Variants in MALRD1 observed in about 807,000 individuals in gnomAD.
MALRD1 encodes the protein MAM and LDL receptor class A domain containing 1.
MALRD1 carries 247 observed loss-of-function variants against 242.1 expected under a neutral mutation model. That is an observed-to-expected ratio of 1.02 (90% confidence interval 0.92 to 1.13). The LOEUF (loss-of-function observed/expected upper bound fraction) is 1.13. Among genes scored for constraint, MALRD1 ranks in the 50% most tolerant of loss-of-function variants. MALRD1 has a pLI of 0.00. For synonymous variants in MALRD1, 995 were observed against 866.6 expected, an observed-to-expected ratio of 1.15 and a Z score of -2.60; for missense variants, 2,989 against 2,533.1, an observed-to-expected ratio of 1.18 and a Z score of -3.86.
At chr10:19,519,323 A>G (rs1833778138) in intron 31 of MALRD1, among the ~76,000 whole-genome samples, 1 of 152,176 alleles carries the variant, frequency 6.6e-6, no homozygotes. Flanking sequence ...TTATGCCACC[A>G]AAACATATAA....
intron 39 of MALRD1, among the ~76,000 whole-genome samples, chr10:19,732,435 G>A (rs1427718128): frequency 6.6e-6 from 1 of 152,018 alleles, no homozygotes; most frequent in Non-Finnish European, 1.5e-5. Flanking sequence ...GCTAATTTTT[G>A]TATTTTTAGT....
rs1044560172 is a variant in MALRD1, at chr10:19,491,601, A to G, written c.5114A>G (p.Asp1705Gly). Residue 1705 changes from aspartate to glycine, a missense_variant, in exon 30 of 40, where the codon GAC (aspartate) becomes GGC (glycine). Asp to Gly is a moderately conservative substitution (Grantham distance 94). Transcript: ENST00000454679. ...KKCIASHLLC[D>G]YKPDCSDRSD... ...TGCATTGCATCCCACCTTCTTTGTG[A>G]CTATAAGCCAGACTGCTCTGATAGG... 1 of 1,550,194 alleles carries G rather than the reference A, an allele frequency of 6.5e-7. No homozygotes were observed. The highest frequency in any genetic ancestry group is 8.7e-7 in the Non-Finnish European group (1 of 1,146,856).
intron 18 of MALRD1, among the ~76,000 whole-genome samples, chr10:19,213,221 C>A (rs767420194): frequency 1.3e-5 from 2 of 152,158 alleles, no homozygotes; most frequent in Non-Finnish European, 2.9e-5. Flanking sequence ...ACTGAGATTA[C>A]ACATAAATTC....
At chr10:19,136,256 T>A (rs1020933652) in intron 9 of MALRD1, among the ~76,000 whole-genome samples, 2 of 152,102 alleles carry the variant, frequency 1.3e-5, no homozygotes, top group African/African-American at 2.4e-5. Context: ...CAGGGACATT[T>A]TTTATAGTTA....
At chr10:19,547,810 A>AT (rs1835291852) in intron 32 of MALRD1, among the ~76,000 whole-genome samples, 1 of 14,372 alleles carries the variant, frequency 7.0e-5, no homozygotes. Context: ...ATATATATAT[A>AT]TATATATATT....
At chr10:19,280,674 C>A (rs1428276372) in intron 20 of MALRD1, among the ~76,000 whole-genome samples, 3 of 152,196 alleles carry the variant, frequency 2.0e-5, no homozygotes, top group African/African-American at 7.2e-5. Flanking sequence ...GAAAACCTAT[C>A]TTAATGCAAA....
rs982717781 is a variant in MALRD1, at chr10:19,530,113, G to A, written c.5321-1081G>A. ...AACAATATTTAATTAATAAGAGTGT[G>A]TCAATATTGGCTCATTAATTGTAAC... On this transcript the variant is annotated intron_variant, in intron 31 of 39. Coordinates refer to ENST00000454679, the MANE Select transcript of MALRD1 (RefSeq NM_001142308.3). Among the ~76,000 whole-genome samples, 5 of 151,064 alleles carry A rather than the reference G, an allele frequency of 3.3e-5. No individual in the cohort carries two copies. In the Admixed American group the frequency reaches 3.3e-4, roughly 10 times the overall value.
chr10:19,226,247 A>G (rs78707163), intron 18 of MALRD1, among the ~76,000 whole-genome samples: 2,206 of 152,294 alleles, frequency 0.014, 47 homozygotes, highest in African/African-American at 0.051. Flanking sequence ...CACTCTCGAT[A>G]GATGCAAAAA....
chr10:19,204,649 T>TA (rs1334407624), intron 16 of MALRD1, among the ~76,000 whole-genome samples: 1 of 152,194 alleles, frequency 6.6e-6, no homozygotes, highest in East Asian at 1.9e-4. Context: ...GATTATAATT[T>TA]AATTAAGATT....
chr10:19,103,773 C>T (rs1377912624), intron 4 of MALRD1, among the ~76,000 whole-genome samples: 1 of 152,082 alleles, frequency 6.6e-6, no homozygotes, highest in African/African-American at 2.4e-5. Context: ...CTATGCCAGA[C>T]ATTTGAGATA....
intron 36 of MALRD1, among the ~76,000 whole-genome samples, chr10:19,650,625 T>A (rs1840831979): frequency 6.6e-6 from 1 of 152,210 alleles, no homozygotes; most frequent in African/African-American, 2.4e-5. Context: ...GAAATGGAAT[T>A]ATATTGTTGT....
At position 19,209,699 on chromosome 10, in the gene MALRD1, A is replaced by G; in HGVS notation, c.2991+19A>G. On this transcript the variant is annotated intron_variant, in intron 18 of 39. Transcript: ENST00000454679. ...CTTTCAGGTATGGATAATAGATTTTATAATGTACATTTGAAATGCATCTGA... is the reference window on the plus strand; with the variant it reads ...CTTTCAGGTATGGATAATAGATTTTGTAATGTACATTTGAAATGCATCTGA... 1 of 1,510,490 alleles carries G rather than the reference A, an allele frequency of 6.6e-7. No individual in the cohort carries two copies. Among genetic ancestry groups the G allele is most frequent in the African/African-American group, 1.4e-5 (1 of 71,614 alleles). 93.6% of individuals were successfully genotyped at this position (1,510,490 alleles called of 1,614,324 possible). A position where few individuals can be genotyped will look rare whatever the true frequency, so the allele number is the denominator to read the frequency against.
chr10:19,588,653 T>C (rs1837578665), intron 33 of MALRD1, among the ~76,000 whole-genome samples: 1 of 152,174 alleles, frequency 6.6e-6, no homozygotes, highest in Admixed American at 6.5e-5. Flanking sequence ...TATTTACTCA[T>C]GTATGTAGAG....
chr10:19,476,431 G>T (rs7902426), intron 29 of MALRD1, among the ~76,000 whole-genome samples: 1 of 151,868 alleles, frequency 6.6e-6, no homozygotes, highest in Admixed American at 6.6e-5. Context: ...TTGGCAAGGG[G>T]TGTGTCCAGC....
chr10:19,548,770 C>A (rs1047287802), intron 32 of MALRD1, among the ~76,000 whole-genome samples: 4 of 152,144 alleles, frequency 2.6e-5, no homozygotes, highest in Non-Finnish European at 4.4e-5. Context: ...AAGACCACAT[C>A]CAAATTAGGC....
At chr10:19,621,924 A>G (rs1391058730) in intron 36 of MALRD1, among the ~76,000 whole-genome samples, 2 of 151,862 alleles carry the variant, frequency 1.3e-5, no homozygotes, top group African/African-American at 4.8e-5. Context: ...GATTGTCTCC[A>G]GAGTTGTGAA....
chr10:19,497,758 C>T (rs16918871), intron 30 of MALRD1, among the ~76,000 whole-genome samples: 5,713 of 152,120 alleles, frequency 0.038, 374 homozygotes, highest in African/African-American at 0.13. Flanking sequence ...GTCTGTACAA[C>T]GCAGTCTGGT....
At chr10:19,596,773 GAGAA>G (rs1838120458) in intron 34 of MALRD1, among the ~76,000 whole-genome samples, 1 of 148,442 alleles carries the variant, frequency 6.7e-6, no homozygotes. Context: ...GAAAGAAAGA[GAGAA>G]AGAGAGAAGG....
intron 2 of MALRD1, among the ~76,000 whole-genome samples, chr10:19,073,083 C>T (rs1456178183): frequency 6.6e-6 from 1 of 151,632 alleles, no homozygotes; most frequent in Non-Finnish European, 1.5e-5. Flanking sequence ...CCCGGCTAAT[C>T]CTTATATTTT....
Sources: gnomAD v4.1 joint callset for allele counts (sites outside exome capture counted in the v4.1 genomes callset) on GRCh38, gnomAD v4.1.1 for gene constraint, MANE v1.5 for transcripts, NCBI Gene and HGNC (gene_info 2026-07-23, HGNC 2026-07-21) for gene names.